ASAP1: variants seen among roughly 807,000 people sequenced by gnomAD.
The protein encoded by ASAP1 is arf-GAP with SH3 domain, ANK repeat and PH domain-containing protein 1.
Under a neutral mutation model 145.2 loss-of-function variants are expected in ASAP1, and 43 were observed. The ratio of observed to expected loss-of-function variants is 0.30; its 90% CI spans 0.23 to 0.38. The LOEUF is 0.38. Ranked by LOEUF, ASAP1 falls within the 10% of genes least tolerant of loss-of-function variation. The pLI is 1.00. For synonymous variants in ASAP1, 546 were observed against 515.5 expected, an observed-to-expected ratio of 1.06 and a Z score of -0.80; for missense variants, 1,018 against 1,355.3, an observed-to-expected ratio of 0.75 and a Z score of 3.91.
intron 25 of ASAP1, 30 bp from the exon 26 acceptor site, chr8:130,080,001 T>C: frequency 3.2e-6 from 5 of 1,581,142 alleles, no homozygotes; most frequent in Non-Finnish European, 4.3e-6. Flanking sequence ...TGAAAAGGTA[T>C]GTCTTTAGAT....
intron 1 of ASAP1, among the ~76,000 whole-genome samples, chr8:130,412,739 C>T (rs1002255613): frequency 2.6e-5 from 4 of 151,850 alleles, no homozygotes; most frequent in Admixed American, 6.6e-5. Flanking sequence ...GCAACCTCCA[C>T]GTCCTGGGTT....
At chr8:130,419,570 G>A (rs1461223506) in intron 1 of ASAP1, among the ~76,000 whole-genome samples, 1 of 152,200 alleles carries the variant, frequency 6.6e-6, no homozygotes, top group African/African-American at 2.4e-5. Context: ...CGCAGCCACT[G>A]TGCCAGTCCC....
chr8:130,108,151 G>T (rs560932996), intron 24 of ASAP1, among the ~76,000 whole-genome samples: 2 of 152,176 alleles, frequency 1.3e-5, no homozygotes, highest in Non-Finnish European at 2.9e-5. Context: ...CGCTACTTTC[G>T]TGCAGGTTAT....
chr8:130,100,488 C>T (rs1474007795), intron 24 of ASAP1, among the ~76,000 whole-genome samples: 2 of 152,052 alleles, frequency 1.3e-5, no homozygotes, highest in Non-Finnish European at 2.9e-5. Flanking sequence ...TGCTACCACA[C>T]CCAGCTAATT....
chr8:130,095,879 A>G (rs1438313981), intron 24 of ASAP1, among the ~76,000 whole-genome samples: 1 of 152,148 alleles, frequency 6.6e-6, no homozygotes, highest in Non-Finnish European at 1.5e-5. Context: ...TCAGACTCCC[A>G]AAGTACTGGG....
At chr8:130,191,747 A>G (rs1815154422) in intron 5 of ASAP1, among the ~76,000 whole-genome samples, 1 of 152,182 alleles carries the variant, frequency 6.6e-6, no homozygotes, top group Admixed American at 6.5e-5. Flanking sequence ...ATATGTGTAA[A>G]AAGTGCTAGC....
intron 1 of ASAP1, among the ~76,000 whole-genome samples, chr8:130,439,665 C>T (rs528249590): frequency 1.3e-5 from 2 of 152,018 alleles, no homozygotes; most frequent in African/African-American, 2.4e-5. Context: ...AAAGCATCTT[C>T]GAGGAGATAA....
At chr8:130,295,509 A>G (rs1442978008) in intron 3 of ASAP1, among the ~76,000 whole-genome samples, 1 of 152,226 alleles carries the variant, frequency 6.6e-6, no homozygotes, top group Non-Finnish European at 1.5e-5. Context: ...AAACAGGGAT[A>G]CGGGATAATA....
intron 24 of ASAP1, among the ~76,000 whole-genome samples, chr8:130,108,654 C>T (rs2097541467): frequency 6.6e-6 from 1 of 150,654 alleles, no homozygotes; most frequent in Admixed American, 6.6e-5. Flanking sequence ...CAAAAATTAG[C>T]TGGGCATGGT....
intron 1 of ASAP1, among the ~76,000 whole-genome samples, chr8:130,439,964 C>G (rs1007467035): frequency 2.0e-5 from 3 of 152,132 alleles, no homozygotes; most frequent in African/African-American, 7.2e-5. Flanking sequence ...GCATAATCCT[C>G]CTAGTCTTCC....
rs770577402 is a variant in ASAP1, at chr8:130,187,295, G to A, written c.481-10C>T. 4 of 1,601,198 alleles carry A rather than the reference G, an allele frequency of 2.5e-6. No homozygotes were observed. The highest frequency in any genetic ancestry group is 2.3e-5 in the South Asian group (2 of 88,068). On this transcript the variant is annotated splice_polypyrimidine_tract_variant and intron_variant, in intron 6 of 29. Coordinates refer to ENST00000518721, the MANE Select transcript of ASAP1 (RefSeq NM_018482.4). Reference sequence around the variant, plus strand: ...ATGGCTTCTTGAGATCCTTAGAAACGAGAAAATGAGATTAAAATTGCAACT... The same window carrying A: ...ATGGCTTCTTGAGATCCTTAGAAACAAGAAAATGAGATTAAAATTGCAACT...
At chr8:130,263,411 C>T (rs1020779425) in intron 3 of ASAP1, among the ~76,000 whole-genome samples, 23 of 152,282 alleles carry the variant, frequency 1.5e-4, no homozygotes, top group African/African-American at 5.1e-4. Context: ...ACACAAACTA[C>T]AACTAGGTGT....
intron 14 of ASAP1, among the ~76,000 whole-genome samples, 174 bp from the exon 15 acceptor site, chr8:130,134,518 A>C (rs995036901): frequency 2.6e-5 from 4 of 152,210 alleles, no homozygotes; most frequent in African/African-American, 9.7e-5. Flanking sequence ...AATCTTCACA[A>C]AAGCTCTATC....
intron 3 of ASAP1, among the ~76,000 whole-genome samples, chr8:130,247,794 G>C (rs548153797): frequency 5.1e-4 from 77 of 152,262 alleles, no homozygotes; most frequent in African/African-American, 1.5e-3. Flanking sequence ...CCACAGAGGG[G>C]CTTTCCACTT....
At chr8:130,439,332 C>G (rs1006281466) in intron 1 of ASAP1, among the ~76,000 whole-genome samples, 2 of 152,154 alleles carry the variant, frequency 1.3e-5, no homozygotes, top group Non-Finnish European at 2.9e-5. Flanking sequence ...GACTTCTGAC[C>G]TCCAGAACTG....
chr8:130,338,504 G>T (rs374284949), intron 3 of ASAP1, among the ~76,000 whole-genome samples: 70 of 152,272 alleles, frequency 4.6e-4, no homozygotes, highest in African/African-American at 1.5e-3. Context: ...ACATTATCCT[G>T]ACTACTCCCC....
intron 11 of ASAP1, among the ~76,000 whole-genome samples, chr8:130,164,733 A>T (rs1347616020): frequency 1.3e-5 from 2 of 152,230 alleles, no homozygotes; most frequent in Non-Finnish European, 2.9e-5. Context: ...TAGAAAAAAA[A>T]TGAGTTTACT....
intron 13 of ASAP1, among the ~76,000 whole-genome samples, chr8:130,144,483 A>G (rs1188371261): frequency 6.6e-6 from 1 of 152,242 alleles, no homozygotes; most frequent in East Asian, 1.9e-4. Context: ...TGAATTCTGA[A>G]CAAATCTCTT....
intron 9 of ASAP1, among the ~76,000 whole-genome samples, chr8:130,178,659 G>A (rs1814131661): frequency 6.6e-6 from 1 of 152,034 alleles, no homozygotes; most frequent in Non-Finnish European, 1.5e-5. Flanking sequence ...CAAGGCCAAG[G>A]TGGATCGCGA....
Sources: gnomAD v4.1 joint callset for allele counts (sites outside exome capture counted in the v4.1 genomes callset) on GRCh38, gnomAD v4.1.1 for gene constraint, MANE v1.5 for transcripts, NCBI Gene and HGNC (gene_info 2026-07-23, HGNC 2026-07-21) for gene names.